The following CUBN variants were observed in gnomAD, a reference collection of about 807,000 sequenced individuals.
The protein encoded by CUBN is cubilin, also known as 460 kDa receptor.
In CUBN, 282 loss-of-function variants were observed where a neutral mutation model predicts 405.3. That is an observed-to-expected ratio of 0.70 (90% CI 0.63 to 0.77). CUBN has a LOEUF of 0.77. CUBN is among the 30% of genes least tolerant of loss of function. The pLI is 0.00. For synonymous variants in CUBN, 1,684 were observed against 1,617.0 expected, an observed-to-expected ratio of 1.04 and a Z score of -0.99; for missense variants, 4,514 against 4,475.2, an observed-to-expected ratio of 1.01 and a Z score of -0.25.
chr10:17,008,676 AT>A, intron 28 of CUBN, among the ~76,000 whole-genome samples: 1 of 151,926 alleles, frequency 6.6e-6, no homozygotes, highest in African/African-American at 2.4e-5. Flanking sequence ...CAGAGGTCTC[AT>A]TTGCGTGGAG....
chr10:17,093,624 C>T (rs752234158), intron 14 of CUBN, among the ~76,000 whole-genome samples: 6 of 151,860 alleles, frequency 4.0e-5, no homozygotes, highest in Non-Finnish European at 8.8e-5. Context: ...TGCAACATAT[C>T]ACGTATAATG....
Position 16,974,490 on chromosome 10 carries a change from C to T in CUBN, c.4695+7994G>A, listed in dbSNP as rs181278709. 5.8e-3 allele frequency among the ~76,000 whole-genome samples: 877 copies of T among 151,802 alleles called. 6 individuals are homozygous for T. The highest frequency in any genetic ancestry group is 8.2e-3 in the Admixed American group (125 of 15,266). On this transcript the variant is annotated intron_variant, in intron 31 of 66. Transcript: ENST00000377833. ...CCAGGCTGGAGTGCAGTGGCGTGAT[C>T]TTGGCTCAATGCAAGCTCTGCCTCC...
rs796415972 is a variant in CUBN at position 17,060,130 on chromosome 10, C to CT, written c.3139+5377dup. 6.3e-3 allele frequency among the ~76,000 whole-genome samples: 925 copies of CT among 147,878 alleles called. 6 individuals are homozygous for CT. The highest frequency in any genetic ancestry group is 0.016 in the African/African-American group (647 of 40,102). On this transcript the variant is annotated intron_variant, in intron 22 of 66. Transcript: ENST00000377833. ...AATCCCTGGTTTTTCTTTTCTTTTT[C>CT]TTTTTTTTTTCATGGAGTTTCGCTC...
At chr10:16,876,811 G>T in intron 57 of CUBN, 86 bp downstream of exon 57, 1 of 1,125,884 alleles carries the variant, frequency 8.9e-7, no homozygotes, top group Non-Finnish European at 1.3e-6. Flanking sequence ...CTTCAAGTTA[G>T]TGCTGTATGA....
At chr10:16,897,999 A>G (rs1403185917) in intron 54 of CUBN, among the ~76,000 whole-genome samples, 3 of 151,842 alleles carry the variant, frequency 2.0e-5, no homozygotes, top group Admixed American at 2.0e-4. Flanking sequence ...TTTCATGAGA[A>G]GAGAGTTCAT....
rs190702815 is a variant in CUBN, at chr10:16,829,976, C to T, written c.10529-936G>A. Among the ~76,000 whole-genome samples the T allele has an allele frequency of 1.1e-3, 174 of 151,408 alleles. 2 individuals are homozygous for T. The highest frequency in any genetic ancestry group is 4.2e-3 in the African/African-American group (172 of 41,228). On this transcript the variant is annotated intron_variant, in intron 65 of 66. Transcript: ENST00000377833. The stretch of plus-strand genomic sequence containing the variant: ...TTTGAGACGGAGTCTTGCTCCGTCA[C>T]CCAGGCTGGAGTGCAGTGGCGTGAT...
chr10:16,940,730 G>A (rs1305032239), intron 36 of CUBN, among the ~76,000 whole-genome samples: 1 of 152,154 alleles, frequency 6.6e-6, no homozygotes, highest in Non-Finnish European at 1.5e-5. Flanking sequence ...AGAAAACCAC[G>A]AGATACCTGG....
intron 60 of CUBN, among the ~76,000 whole-genome samples, chr10:16,842,021 T>C (rs1839367496): frequency 6.6e-6 from 1 of 151,218 alleles, no homozygotes. Flanking sequence ...CAGCAACTGT[T>C]ACCTTCTTCT....
Position 16,958,374 on chromosome 10 carries a change from C to T in CUBN, c.4696-3826G>A, listed in dbSNP as rs3847365. Among the ~76,000 whole-genome samples the T allele has an allele frequency of 1.8e-3, 277 of 150,260 alleles. 1 individual carries two copies. The highest frequency in any genetic ancestry group is 6.9e-3 in the South Asian group (33 of 4,808). ...ATGTCTCTACTAAAAATACAAAAAACAATTAGCCAGGCATGGTGGTGGGCA... is the reference window on the plus strand; with the variant it reads ...ATGTCTCTACTAAAAATACAAAAAATAATTAGCCAGGCATGGTGGTGGGCA... On this transcript the variant is annotated intron_variant, in intron 31 of 66. Coordinates refer to ENST00000377833, the MANE Select transcript of CUBN (RefSeq NM_001081.4).
chr10:17,035,130 T>G (rs1834868074), intron 27 of CUBN, among the ~76,000 whole-genome samples: 1 of 151,038 alleles, frequency 6.6e-6, no homozygotes, highest in African/African-American at 2.4e-5. Flanking sequence ...GAAAGAACAT[T>G]CTAGAAAATT....
At chr10:16,848,740 T>C (rs1839593177) in intron 60 of CUBN, among the ~76,000 whole-genome samples, 2 of 143,602 alleles carry the variant, frequency 1.4e-5, no homozygotes, top group African/African-American at 5.2e-5. Context: ...CTCACTCTGT[T>C]GCCCAGGCTG....
At chr10:16,846,105 G>A (rs1001381986) in intron 60 of CUBN, among the ~76,000 whole-genome samples, 1 of 152,160 alleles carries the variant, frequency 6.6e-6, no homozygotes, top group Non-Finnish European at 1.5e-5. Flanking sequence ...TTTTTGCACA[G>A]TTTTGATATG....
chr10:17,129,019 ATAAT>A (rs1837261412), intron 2 of CUBN, 98 bp downstream of exon 2: 7 of 884,372 alleles, frequency 7.9e-6, no homozygotes, highest in Admixed American at 5.1e-5. Flanking sequence ...ATAAAAAATA[ATAAT>A]TAAAAAAGAT....
At chr10:17,099,900 T>C in intron 14 of CUBN, 105 bp downstream of exon 14, 1 of 614,538 alleles carries the variant, frequency 1.6e-6, no homozygotes, top group East Asian at 2.8e-5. Flanking sequence ...ATATTATATA[T>C]CTTCAGATCC....
Position 16,827,926 on chromosome 10 carries a change from A to C in CUBN, c.10764+879T>G, listed in dbSNP as rs1045363037. On this transcript the variant is annotated intron_variant, in intron 66 of 66. Transcript: ENST00000377833. ...AGTATCTACTTGCACATCAAATGAG[A>C]GGATCGTAAGCACAGATGCCTGCAA... 2.6e-4 allele frequency among the ~76,000 whole-genome samples: 40 copies of C among 152,330 alleles called. 1 individual carries two copies. Among genetic ancestry groups the C allele is most frequent in the East Asian group, 1.5e-3 (8 of 5,182 alleles).
intron 27 of CUBN, among the ~76,000 whole-genome samples, chr10:17,026,201 G>A (rs567812867): frequency 6.6e-6 from 1 of 152,266 alleles, no homozygotes; most frequent in East Asian, 1.9e-4. Flanking sequence ...GGCCTCATTA[G>A]GGTGATTGTT....
intron 27 of CUBN, among the ~76,000 whole-genome samples, chr10:17,040,153 C>G (rs1834985778): frequency 6.6e-6 from 1 of 152,092 alleles, no homozygotes; most frequent in African/African-American, 2.4e-5. Flanking sequence ...CACTGACCAC[C>G]TTAAAAACAA....
At position 16,828,983 on chromosome 10, in the gene CUBN, C is replaced by G; in HGVS notation, c.10586G>C (p.Gly3529Ala). The stretch of plus-strand genomic sequence containing the variant: ...GCAGTACGTGTTGTTTGGGTATGTG[C>G]CTGGATAGCCGGGGCTGGTGAATGA... ...RGSFTSPGYP[G>A]TYPNNTYCEW... The change falls in exon 66 of 67, where the codon GGC (glycine) becomes GCC (alanine). Residue 3529 changes from glycine to alanine, a missense_variant. This residue lies in a region of CUBN where 1,186 missense variants were observed against 1,186.9 expected (regional missense o/e 1.00). Coordinates refer to ENST00000377833, the MANE Select transcript of CUBN (RefSeq NM_001081.4). 1 of 1,614,104 alleles carries G rather than the reference C, an allele frequency of 6.2e-7. No individual in the cohort carries two copies. Among genetic ancestry groups the G allele is most frequent in the Non-Finnish European group, 8.5e-7 (1 of 1,180,028 alleles).
chr10:16,886,832 A>G (rs1840833253), intron 56 of CUBN, among the ~76,000 whole-genome samples: 1 of 152,208 alleles, frequency 6.6e-6, no homozygotes, highest in African/African-American at 2.4e-5. Flanking sequence ...CTTGTCGCCC[A>G]GGCTGGAGTG....
Sources: allele counts gnomAD v4.1 joint callset (sites outside exome capture counted in the v4.1 genomes callset), GRCh38; gene constraint gnomAD v4.1.1; regional missense constraint gnomAD v4.1.1; transcripts MANE v1.5; gene names NCBI Gene and HGNC (gene_info 2026-07-23, HGNC 2026-07-21).